PLCE1: variants seen among roughly 807,000 people sequenced by gnomAD.
The protein encoded by PLCE1 is 1-phosphatidylinositol 4,5-bisphosphate phosphodiesterase epsilon-1.
A neutral mutation model predicts 242.8 loss-of-function variants in PLCE1; 119 were observed. The observed-to-expected ratio is 0.49, with a 90% CI of 0.42 to 0.57. The LOEUF is 0.57. Ranked by LOEUF, PLCE1 falls within the 20% of genes least tolerant of loss-of-function variation. PLCE1 has a pLI of 0.00. For synonymous variants in PLCE1, 945 were observed against 1,017.4 expected, an observed-to-expected ratio of 0.93 and a Z score of 1.35; for missense variants, 2,441 against 2,788.8, an observed-to-expected ratio of 0.88 and a Z score of 2.81.
At chr10:94,075,458 T>C (rs2044473130) in intron 2 of PLCE1, among the ~76,000 whole-genome samples, 2 of 152,242 alleles carry the variant, frequency 1.3e-5, no homozygotes, top group South Asian at 4.1e-4. Context: ...AGGTGACAAA[T>C]TTGTAAATGT....
intron 2 of PLCE1, among the ~76,000 whole-genome samples, chr10:94,069,424 A>G (rs2044289506): frequency 6.6e-6 from 1 of 152,152 alleles, no homozygotes; most frequent in Non-Finnish European, 1.5e-5. Context: ...ACATAGTGAA[A>G]ACCCATCTCT....
intron 3 of PLCE1, among the ~76,000 whole-genome samples, chr10:94,146,056 A>C (rs539834733): frequency 1.3e-5 from 2 of 152,292 alleles, no homozygotes; most frequent in Non-Finnish European, 2.9e-5. Flanking sequence ...TTGGAGAATG[A>C]GGTGAAAATT....
Position 94,316,637 on chromosome 10 carries a change from T to G in PLCE1, c.6223T>G (p.Cys2075Gly), listed in dbSNP as rs748326515. 1 of 1,610,218 alleles carries G rather than the reference T, an allele frequency of 6.2e-7. No homozygotes were observed. The highest frequency in any genetic ancestry group is 8.5e-7 in the Non-Finnish European group (1 of 1,176,462). ...TTTTATATCTAAAGAAAAGAATGAA[T>G]GTAGGAAACAACCATTCCAGAGAGC... ...KYFISKEKNECRKQPFQRAIG... is the reference protein window; with the variant it reads ...KYFISKEKNEGRKQPFQRAIG... Residue 2075 changes from cysteine to glycine, a missense_variant, in exon 29 of 33, where the codon TGT becomes GGT. Around this residue, in one of 5 missense-constraint regions of PLCE1, gnomAD observed 310 missense variants for 317.2 expected, o/e 0.98. Transcript: ENST00000371380.
chr10:94,309,592 G>T (rs2053318391), intron 27 of PLCE1, among the ~76,000 whole-genome samples: 1 of 151,978 alleles, frequency 6.6e-6, no homozygotes, highest in Non-Finnish European at 1.5e-5. Context: ...TCCCAAGGTG[G>T]CCTCCCAAGG....
At chr10:94,240,420 A>G (rs1031271747) in intron 7 of PLCE1, among the ~76,000 whole-genome samples, 1 of 152,174 alleles carries the variant, frequency 6.6e-6, no homozygotes, top group African/African-American at 2.4e-5. Context: ...CTCACATATA[A>G]TAAGAGAATG....
chr10:94,134,523 G>A (rs577219854), intron 3 of PLCE1, among the ~76,000 whole-genome samples: 1 of 152,276 alleles, frequency 6.6e-6, no homozygotes, highest in East Asian at 1.9e-4. Flanking sequence ...ATGTTAGTTA[G>A]CTCAACTGAA....
chr10:94,281,029 A>G (rs886861207), intron 20 of PLCE1, among the ~76,000 whole-genome samples: 1 of 152,254 alleles, frequency 6.6e-6, no homozygotes, highest in South Asian at 2.1e-4. Flanking sequence ...ATGAGCTAAT[A>G]TGAGAGACAT....
intron 27 of PLCE1, among the ~76,000 whole-genome samples, chr10:94,312,526 T>C (rs2053419008): frequency 6.6e-6 from 1 of 152,240 alleles, no homozygotes; most frequent in Non-Finnish European, 1.5e-5. Context: ...ACTAGGTCCT[T>C]CAAGATTTGG....
At chr10:94,275,421 T>G (rs1021347761) in intron 19 of PLCE1, among the ~76,000 whole-genome samples, 2 of 152,206 alleles carry the variant, frequency 1.3e-5, no homozygotes, top group African/African-American at 4.8e-5. Context: ...TCTGAAAATG[T>G]GATTTCCAGA....
chr10:93,999,810 A>G (rs1564615734), intron 1 of PLCE1, among the ~76,000 whole-genome samples: 1 of 152,214 alleles, frequency 6.6e-6, no homozygotes, highest in Non-Finnish European at 1.5e-5. Flanking sequence ...CCAGCCCGGA[A>G]TTCCACCACC....
intron 27 of PLCE1, among the ~76,000 whole-genome samples, chr10:94,312,127 G>A (rs1365904354): frequency 6.6e-6 from 1 of 152,068 alleles, no homozygotes; most frequent in Non-Finnish European, 1.5e-5. Flanking sequence ...ATAATATAGT[G>A]CAAGCTAAAT....
At chr10:94,297,329 G>A (rs2052863112) in intron 23 of PLCE1, among the ~76,000 whole-genome samples, 1 of 152,062 alleles carries the variant, frequency 6.6e-6, no homozygotes, top group African/African-American at 2.4e-5. Context: ...CTGGTGGGTA[G>A]AGCAGTCAGA....
At chr10:94,104,954 T>C (rs1191217481) in intron 2 of PLCE1, 1 of 152,342 alleles carries the variant, frequency 6.6e-6, no homozygotes, top group African/African-American at 2.4e-5. Context: ...AGGAAGCAAA[T>C]GTAAACAGTC....
intron 2 of PLCE1, among the ~76,000 whole-genome samples, chr10:94,050,901 T>C (rs2043746687): frequency 6.6e-6 from 1 of 152,112 alleles, no homozygotes; most frequent in Non-Finnish European, 1.5e-5. Context: ...GAAGAAAGCA[T>C]AGGCTAGGTT....
intron 2 of PLCE1, among the ~76,000 whole-genome samples, chr10:94,127,126 A>C (rs2046458119): frequency 6.6e-6 from 1 of 152,236 alleles, no homozygotes; most frequent in Non-Finnish European, 1.5e-5. Flanking sequence ...ATGTAATTAA[A>C]ATACTTATTA....
At chr10:94,264,768 C>T (rs1261487903) in intron 14 of PLCE1, among the ~76,000 whole-genome samples, 1 of 152,006 alleles carries the variant, frequency 6.6e-6, no homozygotes, top group African/African-American at 2.4e-5. Flanking sequence ...GATCCACCCA[C>T]CTCAGCCTCC....
intron 2 of PLCE1, among the ~76,000 whole-genome samples, chr10:94,060,686 A>G (rs1309490210): frequency 1.3e-5 from 2 of 150,786 alleles, no homozygotes; most frequent in Non-Finnish European, 3.0e-5. Flanking sequence ...GGACTTAGAC[A>G]TTATTTAACT....
intron 16 of PLCE1, 23 bp from the exon 17 acceptor site, chr10:94,268,906 G>A: frequency 7.1e-7 from 1 of 1,399,598 alleles, no homozygotes; most frequent in East Asian, 2.3e-5. Flanking sequence ...CACCTGGGGT[G>A]GATTCGCTCA....
intron 2 of PLCE1, among the ~76,000 whole-genome samples, chr10:94,057,211 T>C (rs902282124): frequency 6.6e-6 from 1 of 152,214 alleles, no homozygotes; most frequent in Non-Finnish European, 1.5e-5. Context: ...CCATGTTTAA[T>C]ATTTTGAGAA....
Sources: gnomAD v4.1 joint callset for allele counts (sites outside exome capture counted in the v4.1 genomes callset) on GRCh38, gnomAD v4.1.1 for gene constraint, gnomAD v4.1.1 regional missense constraint, MANE v1.5 for transcripts, NCBI Gene and HGNC (gene_info 2026-07-23, HGNC 2026-07-21) for gene names.